GABRB1: variants seen among roughly 807,000 people sequenced by gnomAD.
GABRB1 encodes gamma-aminobutyric acid receptor subunit beta-1.
In GABRB1, 17 loss-of-function variants were observed where a neutral mutation model predicts 51.6. The observed-to-expected ratio is 0.33, with a 90% CI of 0.23 to 0.49. The LOEUF (loss-of-function observed/expected upper bound fraction) is 0.49, where lower values mean the gene tolerates loss of function less well. Ranked by LOEUF, GABRB1 falls within the 20% of genes least tolerant of loss-of-function variation. The pLI is 0.99. For missense variants in GABRB1, 410 were observed against 600.6 expected (o/e 0.68, Z 3.32); for synonymous variants, 247 against 218.9 (o/e 1.13, Z -1.14).
chr4:47,350,883 T>C (rs758419669), intron 5 of GABRB1, among the ~76,000 whole-genome samples: 6 of 152,276 alleles, frequency 3.9e-5, no homozygotes, highest in Non-Finnish European at 7.4e-5. Context: ...AATGATGATT[T>C]CTCCTACACT....
intron 3 of GABRB1, among the ~76,000 whole-genome samples, chr4:47,056,063 G>A (rs1323606297): frequency 2.0e-5 from 3 of 152,154 alleles, no homozygotes; most frequent in African/African-American, 7.2e-5. Flanking sequence ...ATTACACCTT[G>A]CTGATACATC....
intron 5 of GABRB1, among the ~76,000 whole-genome samples, chr4:47,378,278 C>T (rs559269130): frequency 3.1e-4 from 47 of 152,338 alleles, no homozygotes; most frequent in African/African-American, 1.0e-3. Context: ...GCACACCCTC[C>T]GCAGCCGCTG....
chr4:47,009,015 C>G (rs993200687), intron 1 of GABRB1, among the ~76,000 whole-genome samples: 11 of 148,608 alleles, frequency 7.4e-5, no homozygotes, highest in Non-Finnish European at 1.3e-4. Flanking sequence ...AGGCGCCCAC[C>G]ACCACGCCCG....
rs1349962132 is a variant in GABRB1 at position 47,387,614 on chromosome 4, A to C, written c.545-15704A>C. Among the ~76,000 whole-genome samples the C allele has an allele frequency of 5.3e-5, 8 of 152,342 alleles. 1 individual carries two copies. The South Asian group carries it at 1.2e-3, about 24-fold the overall frequency. On this transcript the variant is annotated intron_variant, in intron 5 of 8. Coordinates refer to ENST00000295454, the MANE Select transcript of GABRB1 (RefSeq NM_000812.4). Reference sequence around the variant, plus strand: ...GAAAGTAAAAACCATTTGATTGTGGAAAAAGCGAATTTGAACTTGTGCTGC... The same window carrying C: ...GAAAGTAAAAACCATTTGATTGTGGCAAAAGCGAATTTGAACTTGTGCTGC...
intron 4 of GABRB1, among the ~76,000 whole-genome samples, chr4:47,251,525 T>C (rs1159989158): frequency 2.0e-5 from 3 of 152,134 alleles, no homozygotes; most frequent in Admixed American, 6.5e-5. Context: ...TATATGCCCT[T>C]TGTCTTCACC....
At chr4:47,199,116 G>T (rs1719800940) in intron 4 of GABRB1, among the ~76,000 whole-genome samples, 1 of 152,118 alleles carries the variant, frequency 6.6e-6, no homozygotes, top group African/African-American at 2.4e-5. Context: ...GTTGGAGGCG[G>T]GGCCTGGTTT....
chr4:47,299,958 G>A (rs1356078641), intron 4 of GABRB1, among the ~76,000 whole-genome samples: 2 of 151,610 alleles, frequency 1.3e-5, no homozygotes, highest in African/African-American at 4.9e-5. Context: ...GATGAAACTG[G>A]AACTCATCAT....
intron 5 of GABRB1, among the ~76,000 whole-genome samples, chr4:47,326,585 A>C (rs2109969669): frequency 6.6e-6 from 1 of 152,240 alleles, no homozygotes; most frequent in South Asian, 2.1e-4. Flanking sequence ...ATATCTACTG[A>C]GGGTCTTGGA....
chr4:47,240,829 A>C (rs1721493182), intron 4 of GABRB1, among the ~76,000 whole-genome samples: 1 of 152,146 alleles, frequency 6.6e-6, no homozygotes, highest in African/African-American at 2.4e-5. Context: ...GGCATTCAAT[A>C]TTACCTGCCT....
intron 1 of GABRB1, among the ~76,000 whole-genome samples, chr4:47,012,361 C>T (rs1215219737): frequency 6.6e-6 from 1 of 152,122 alleles, no homozygotes; most frequent in East Asian, 1.9e-4. Context: ...CCTCCACCCT[C>T]TGATAGGCCA....
At chr4:47,352,902 C>T (rs1185392735) in intron 5 of GABRB1, among the ~76,000 whole-genome samples, 1 of 152,082 alleles carries the variant, frequency 6.6e-6, no homozygotes, top group African/African-American at 2.4e-5. Context: ...TTTAGTTAAG[C>T]AAAAACTATG....
chr4:47,236,201 G>A (rs1016182032), intron 4 of GABRB1, among the ~76,000 whole-genome samples: 1 of 151,780 alleles, frequency 6.6e-6, no homozygotes, highest in African/African-American at 2.4e-5. Flanking sequence ...TTATCCTTTT[G>A]AAATCCGAAA....
chr4:47,201,336 G>T (rs139643293), intron 4 of GABRB1, among the ~76,000 whole-genome samples: 1 of 152,108 alleles, frequency 6.6e-6, no homozygotes, highest in East Asian at 1.9e-4. Context: ...TCTAAAAAAA[G>T]AATTAAAGCT....
At chr4:47,398,679 G>C (rs943883940) in intron 5 of GABRB1, among the ~76,000 whole-genome samples, 2 of 152,230 alleles carry the variant, frequency 1.3e-5, no homozygotes, top group Non-Finnish European at 2.9e-5. Context: ...CCGCCTCCCA[G>C]GTTCACGCCA....
intron 4 of GABRB1, among the ~76,000 whole-genome samples, chr4:47,165,348 TCAGTTTC>T (rs1456212951): frequency 6.6e-6 from 1 of 151,978 alleles, no homozygotes; most frequent in African/African-American, 2.4e-5. Flanking sequence ...CTCCCTCTCT[TCAGTTTC>T]TGCTTTGAGC....
chr4:47,155,819 A>G (rs1361281999), intron 3 of GABRB1, among the ~76,000 whole-genome samples: 6 of 150,542 alleles, frequency 4.0e-5, no homozygotes, highest in Non-Finnish European at 7.4e-5. Context: ...AGGATACATT[A>G]AAATCTCCAG....
chr4:47,022,512 A>G (rs1240272966), intron 1 of GABRB1, among the ~76,000 whole-genome samples: 2 of 152,012 alleles, frequency 1.3e-5, no homozygotes, highest in Non-Finnish European at 2.9e-5. Flanking sequence ...TTTATCCATG[A>G]TGTTCCAAAA....
At position 47,403,358 on chromosome 4, in the gene GABRB1, A is replaced by G. The variant is rs1728464864; in HGVS notation, c.585A>G (p.Gly195=). The G allele has an allele frequency of 6.2e-7, 1 of 1,613,870 alleles. No homozygotes were observed. The highest frequency in any genetic ancestry group is 1.1e-5 in the South Asian group (1 of 91,078). Residue 195 remains glycine, a synonymous_variant, in exon 6 of 9, where the codon GGA becomes GGG. Transcript: ENST00000295454. ...ATGACATTGAATTTTACTGGAATGG[A>G]GGAGAAGGGGCAGTCACTGGTGTTA... is the stretch of plus-strand genomic sequence containing the variant. The part of the protein sequence containing the change: ...TTDDIEFYWN[G]GEGAVTGVNK...
rs187047830 is a variant in GABRB1, at chr4:47,251,309, C to T, written c.462-68818C>T. Among the ~76,000 whole-genome samples, 827 of 152,276 alleles carry T rather than the reference C, an allele frequency of 5.4e-3. 7 individuals carry two copies. Among genetic ancestry groups the T allele is most frequent in the African/African-American group, 0.019 (801 of 41,548 alleles). On this transcript the variant is annotated intron_variant, in intron 4 of 8. Transcript: ENST00000295454. ...CTTATGATGTGAACCGTCTATGGGT[C>T]TTTCAGTCATAGATACCAGCAACTG...
Sources: allele counts gnomAD v4.1 joint callset (sites outside exome capture counted in the v4.1 genomes callset), GRCh38; gene constraint gnomAD v4.1.1; transcripts MANE v1.5; gene names NCBI Gene and HGNC (gene_info 2026-07-23, HGNC 2026-07-21).